The following PRKG1 variants were observed in gnomAD, a reference collection of about 807,000 sequenced individuals.
PRKG1 encodes the protein protein kinase cGMP-dependent 1.
PRKG1 carries 35 observed loss-of-function variants against 88.1 expected under a neutral mutation model. That is an observed-to-expected ratio of 0.40 (90% CI 0.30 to 0.53). The LOEUF (loss-of-function observed/expected upper bound fraction) is 0.53, where lower values mean the gene tolerates loss of function less well. PRKG1 is among the 20% of genes least tolerant of loss of function. PRKG1 has a pLI of 0.59. For missense variants in PRKG1, 540 were observed against 839.8 expected (o/e 0.64, Z 4.41); for synonymous variants, 303 against 292.5 (o/e 1.04, Z -0.37).
chr10:51,698,252 A>G, intron 3 of PRKG1: 1 of 1,613,630 alleles, frequency 6.2e-7, no homozygotes, highest in Non-Finnish European at 8.5e-7. Context: ...TCTCCTCTCC[A>G]TTACACGTGT....
At chr10:52,222,946 G>T (rs924397034) in intron 9 of PRKG1, among the ~76,000 whole-genome samples, 3 of 152,040 alleles carry the variant, frequency 2.0e-5, no homozygotes, top group African/African-American at 7.2e-5. Flanking sequence ...TGGAACATTT[G>T]ACTTTTACTG....
At chr10:52,052,716 C>T (rs546807290) in intron 5 of PRKG1, among the ~76,000 whole-genome samples, 1 of 152,210 alleles carries the variant, frequency 6.6e-6, no homozygotes, top group South Asian at 2.1e-4. Flanking sequence ...CATGAGACTT[C>T]TTTACTACCA....
rs191064058 is a variant in PRKG1, at chr10:51,298,260, A to G, written c.478+144930A>G. Among the ~76,000 whole-genome samples the G allele has an allele frequency of 3.1e-3, 466 of 152,308 alleles. 3 individuals are homozygous for G. The highest frequency in any genetic ancestry group is 5.7e-3 in the Non-Finnish European group (388 of 68,006). ...CCACACAATCTAATTCAAGAGTTACATTGCCACTACTTCAAAAAATGTGGT... is the reference window on the plus strand; with the variant it reads ...CCACACAATCTAATTCAAGAGTTACGTTGCCACTACTTCAAAAAATGTGGT... On this transcript the variant is annotated intron_variant, in intron 2 of 17. Transcript: ENST00000373980.
intron 1 of PRKG1, among the ~76,000 whole-genome samples, chr10:51,024,277 G>A (rs1422831760): frequency 1.3e-5 from 2 of 151,972 alleles, no homozygotes; most frequent in African/African-American, 4.8e-5. Flanking sequence ...TTTTTACTGA[G>A]GCCCAAATCA....
chr10:51,793,138 C>CAAAAAAAAAAAAAA (rs775904836), intron 3 of PRKG1, among the ~76,000 whole-genome samples: 2 of 69,760 alleles, frequency 2.9e-5, no homozygotes, highest in African/African-American at 6.0e-5. Flanking sequence ...CAGCACACTG[C>CAAAAAAAAAAAAAA]AAAAAAAAAA....
At chr10:51,459,084 A>G (rs1014530254) in intron 2 of PRKG1, among the ~76,000 whole-genome samples, 3 of 152,032 alleles carry the variant, frequency 2.0e-5, no homozygotes, top group African/African-American at 7.2e-5. Context: ...CATTAATATA[A>G]TTTGCACAAT....
rs534650042 is a variant in PRKG1, at chr10:52,257,808, G to A, written c.1173+6142G>A. Among the ~76,000 whole-genome samples, 64 of 139,482 alleles carry A rather than the reference G, an allele frequency of 4.6e-4. 6 individuals carry two copies. The South Asian group carries it at 0.014, about 31-fold the overall frequency. The allele number at this position is 139,482 out of a possible 152,430, so 91.5% of individuals were successfully genotyped here. A position where few individuals can be genotyped will look rare whatever the true frequency, so the allele number is the denominator to read the frequency against. ...ATAGCACTCATTTCTCAGAAAATAA[G>A]TTCTTCAGAGAACTAATGAAAATCC... On this transcript the variant is annotated intron_variant, in intron 10 of 17. Coordinates refer to ENST00000373980, the MANE Select transcript of PRKG1 (RefSeq NM_006258.4).
chr10:51,057,786 C>T (rs757174267), intron 1 of PRKG1, among the ~76,000 whole-genome samples: 3 of 151,906 alleles, frequency 2.0e-5, no homozygotes, highest in Non-Finnish European at 4.4e-5. Context: ...GTGCTATTGC[C>T]AGTTTGGGAT....
chr10:51,901,135 A>G (rs188765267), intron 4 of PRKG1, among the ~76,000 whole-genome samples: 7 of 152,306 alleles, frequency 4.6e-5, no homozygotes, highest in East Asian at 1.9e-4. Context: ...GCAAATGTCA[A>G]CATAGTCATT....
intron 3 of PRKG1, among the ~76,000 whole-genome samples, chr10:51,656,028 G>A (rs952118907): frequency 6.6e-6 from 1 of 152,070 alleles, no homozygotes; most frequent in African/African-American, 2.4e-5. Context: ...ATGGAGTCTT[G>A]AATAGAACAG....
At chr10:52,240,764 C>T (rs1285886999) in intron 9 of PRKG1, among the ~76,000 whole-genome samples, 7 of 152,032 alleles carry the variant, frequency 4.6e-5, no homozygotes, top group African/African-American at 9.7e-5. Flanking sequence ...GAATGATATA[C>T]GGGCTTTCTC....
rs1254072573 is a variant in PRKG1 at position 51,385,070 on chromosome 10, A to G, written c.479-82653A>G. 2.0e-5 allele frequency among the ~76,000 whole-genome samples: 3 copies of G among 152,196 alleles called. No homozygotes were observed. In the East Asian group the frequency reaches 5.8e-4, roughly 29 times the overall value. On this transcript the variant is annotated intron_variant, in intron 2 of 17. Coordinates refer to ENST00000373980, the MANE Select transcript of PRKG1 (RefSeq NM_006258.4). ...ATCTTTTATGAAGTTGTCCTAATGG[A>G]TGTTTTCATTAGTATGTATTGAAGT...
At chr10:51,208,414 T>G (rs1838120167) in intron 2 of PRKG1, among the ~76,000 whole-genome samples, 2 of 152,192 alleles carry the variant, frequency 1.3e-5, no homozygotes, top group Non-Finnish European at 2.9e-5. Flanking sequence ...AATATTCTAA[T>G]TTTTCCCAAG....
At chr10:51,870,224 G>T (rs1198518009) in intron 4 of PRKG1, among the ~76,000 whole-genome samples, 1 of 152,102 alleles carries the variant, frequency 6.6e-6, no homozygotes, top group Non-Finnish European at 1.5e-5. Flanking sequence ...AGGAAATAAG[G>T]TGTTATAGGT....
At chr10:51,449,823 A>T (rs1314648435) in intron 2 of PRKG1, among the ~76,000 whole-genome samples, 1 of 151,444 alleles carries the variant, frequency 6.6e-6, no homozygotes, top group Non-Finnish European at 1.5e-5. Flanking sequence ...TGGAAGTAGA[A>T]TGCAAATTCC....
Position 51,528,462 on chromosome 10 carries a change from G to T in PRKG1, c.592+60626G>T, listed in dbSNP as rs1032230524. ...ATTATTTTAAAGAAAAGTTGGTAGG[G>T]CATATTTTAAGACTGTCTATCTTCT... On this transcript the variant is annotated intron_variant, in intron 3 of 17. Transcript: ENST00000373980. 3.8e-4 allele frequency among the ~76,000 whole-genome samples: 57 copies of T among 151,568 alleles called. 2 individuals are homozygous for T. The highest frequency in any genetic ancestry group is 1.5e-4 in the Non-Finnish European group (10 of 67,906).
At chr10:51,868,229 G>A (rs1376465718) in intron 4 of PRKG1, among the ~76,000 whole-genome samples, 1 of 152,170 alleles carries the variant, frequency 6.6e-6, no homozygotes, top group Non-Finnish European at 1.5e-5. Flanking sequence ...CTTTCCAAGA[G>A]AAGAGAACAA....
At chr10:51,435,441 T>A (rs1034711958) in intron 2 of PRKG1, among the ~76,000 whole-genome samples, 1 of 151,670 alleles carries the variant, frequency 6.6e-6, no homozygotes, top group Non-Finnish European at 1.5e-5. Context: ...TATATATATA[T>A]ATGTCATATG....
chr10:51,707,861 C>G (rs747227170), intron 3 of PRKG1, among the ~76,000 whole-genome samples: 49 of 152,128 alleles, frequency 3.2e-4, no homozygotes, highest in Non-Finnish European at 6.2e-4. Context: ...AACATTATGT[C>G]AAGAATTCCA....
Sources: gnomAD v4.1 joint callset for allele counts (sites outside exome capture counted in the v4.1 genomes callset) on GRCh38, gnomAD v4.1.1 for gene constraint, MANE v1.5 for transcripts, NCBI Gene and HGNC (gene_info 2026-07-23, HGNC 2026-07-21) for gene names.